Variants in SLC30A9 observed in about 807,000 individuals in gnomAD.
The protein encoded by SLC30A9 is solute carrier family 30 member 9, also known as proton-coupled zinc antiporter SLC30A9, mitochondrial.
Under a neutral mutation model 87.5 loss-of-function variants are expected in SLC30A9, and 58 were observed. That is an observed-to-expected ratio of 0.66 (90% CI 0.54 to 0.82). The LOEUF (loss-of-function observed/expected upper bound fraction) is 0.82, where lower values mean the gene tolerates loss of function less well. SLC30A9 is among the 40% of genes least tolerant of loss of function. The pLI is 0.00. For missense variants in SLC30A9, 557 were observed against 679.1 expected (o/e 0.82, Z 2.00); for synonymous variants, 234 against 233.0 (o/e 1.00, Z -0.04).
At chr4:42,005,198 G>A (rs753952202) in intron 2 of SLC30A9, among the ~76,000 whole-genome samples, 2 of 152,042 alleles carry the variant, frequency 1.3e-5, no homozygotes, top group African/African-American at 2.4e-5. Flanking sequence ...CATTTTCCAT[G>A]ATGTTTTTGT....
chr4:42,045,513 G>A (rs962222607), intron 8 of SLC30A9, among the ~76,000 whole-genome samples: 2 of 151,184 alleles, frequency 1.3e-5, no homozygotes, highest in African/African-American at 4.9e-5. Flanking sequence ...ACTAAACCAG[G>A]AAGAAGTTGA....
At chr4:42,062,302 T>A (rs532748317) in intron 10 of SLC30A9, among the ~76,000 whole-genome samples, 1 of 152,346 alleles carries the variant, frequency 6.6e-6, no homozygotes, top group Admixed American at 6.5e-5. Flanking sequence ...AATGAGTGAT[T>A]CTTTTCCTCC....
At chr4:42,038,407 A>G (rs899158862) in intron 7 of SLC30A9, among the ~76,000 whole-genome samples, 7 of 152,124 alleles carry the variant, frequency 4.6e-5, no homozygotes, top group Non-Finnish European at 8.8e-5. Flanking sequence ...GCAGCATTCT[A>G]TTGTTCCCAT....
chr4:42,033,850 C>T (rs1173829850), intron 6 of SLC30A9, among the ~76,000 whole-genome samples: 1 of 152,206 alleles, frequency 6.6e-6, no homozygotes, highest in African/African-American at 2.4e-5. Flanking sequence ...GCTGGGATTA[C>T]AGGCATGAGC....
chr4:42,057,998 A>G (rs1433365798), intron 9 of SLC30A9, among the ~76,000 whole-genome samples: 1 of 149,852 alleles, frequency 6.7e-6, no homozygotes, highest in East Asian at 2.0e-4. Context: ...GCTACTCGGG[A>G]GGCTGAGGCA....
intron 8 of SLC30A9, among the ~76,000 whole-genome samples, chr4:42,042,781 G>A (rs1235456163): frequency 5.3e-5 from 8 of 152,194 alleles, no homozygotes; most frequent in South Asian, 2.1e-4. Context: ...TCCTGATGGG[G>A]AGATACCTCC....
chr4:42,050,861 T>A (rs1229208065), intron 9 of SLC30A9, among the ~76,000 whole-genome samples: 1 of 152,138 alleles, frequency 6.6e-6, no homozygotes, highest in Non-Finnish European at 1.5e-5. Context: ...GAAATAACAG[T>A]CTCATTGAGT....
chr4:42,054,283 G>A (rs879434776), intron 9 of SLC30A9, among the ~76,000 whole-genome samples: 5 of 152,134 alleles, frequency 3.3e-5, no homozygotes, highest in South Asian at 2.1e-4. Flanking sequence ...ACTTGAACCC[G>A]GGAGGCAGAG....
At chr4:42,044,287 C>A (rs1468660358) in intron 8 of SLC30A9, among the ~76,000 whole-genome samples, 4 of 150,810 alleles carry the variant, frequency 2.7e-5, no homozygotes, top group African/African-American at 9.8e-5. Context: ...GAGTCAAGAC[C>A]CATTGGTGTG....
chr4:42,073,413 C>A (rs1017509369), intron 15 of SLC30A9, among the ~76,000 whole-genome samples: 4 of 152,110 alleles, frequency 2.6e-5, no homozygotes, highest in African/African-American at 9.7e-5. Context: ...GGAAAAAATA[C>A]GTTAGTAATC....
intron 1 of SLC30A9, among the ~76,000 whole-genome samples, chr4:41,995,628 A>G (rs971035188): frequency 5.9e-5 from 9 of 152,228 alleles, no homozygotes; most frequent in Non-Finnish European, 1.2e-4. Flanking sequence ...GAAAGATGAA[A>G]ATGAGCAAGC....
chr4:42,041,519 A>T (rs1432695082), intron 8 of SLC30A9, among the ~76,000 whole-genome samples: 1 of 152,118 alleles, frequency 6.6e-6, no homozygotes, highest in Non-Finnish European at 1.5e-5. Context: ...GGATTACTTG[A>T]GCTCAGGAAT....
intron 6 of SLC30A9, among the ~76,000 whole-genome samples, chr4:42,030,473 C>A (rs1356554520): frequency 3.3e-5 from 5 of 151,880 alleles, no homozygotes; most frequent in Admixed American, 3.3e-4. Context: ...TAGGTGCATA[C>A]TCTGGTCCTT....
At chr4:42,007,905 T>C (rs147956555) in intron 2 of SLC30A9, among the ~76,000 whole-genome samples, 2 of 152,332 alleles carry the variant, frequency 1.3e-5, no homozygotes, top group Non-Finnish European at 2.9e-5. Context: ...ACGTAACAAG[T>C]GTGGTCTTTT....
In SLC30A9 at chr4:42,075,608, A is replaced by G. The variant is rs771333795; in HGVS notation, c.1419-49A>G. 5.4e-6 allele frequency: 8 copies of G among 1,487,936 alleles called. No individual in the cohort carries two copies. The East Asian group carries it at 1.1e-4, about 21-fold the overall frequency. The allele number at this position is 1,487,936 out of a possible 1,614,324, so 92.2% of individuals were successfully genotyped here. On this transcript the variant is annotated intron_variant, in intron 15 of 17. Coordinates refer to ENST00000264451, the MANE Select transcript of SLC30A9 (RefSeq NM_006345.4). ...GCCTTTGTGCTATTAAAGTATATAT[A>G]TGTGTATGTATGTATAAATAAATTT...
At chr4:41,996,622 G>A (rs1381662339) in intron 1 of SLC30A9, among the ~76,000 whole-genome samples, 1 of 151,974 alleles carries the variant, frequency 6.6e-6, no homozygotes, top group Admixed American at 6.6e-5. Flanking sequence ...ACACGCCTGC[G>A]GTCCCAGCTA....
rs1459050430 is a variant in SLC30A9, at chr4:42,090,373, G to A, written c.*4247G>A. The A allele has an allele frequency of 6.6e-6, 1 of 152,112 alleles. No homozygotes were observed. Among genetic ancestry groups the A allele is most frequent in the Non-Finnish European group, 1.5e-5 (1 of 68,002 alleles). 9.4% of individuals were successfully genotyped at this position (152,112 alleles called of 1,614,324 possible). On this transcript the variant is annotated 3_prime_UTR_variant, in exon 18 of 18. Transcript: ENST00000264451. ...TTATTCGTTATATTGTATTTCATCT[G>A]TCTGATTTCCCTGGCACATTAAGAT...
intron 6 of SLC30A9, among the ~76,000 whole-genome samples, chr4:42,030,599 T>TGGTGGG (rs1716389995): frequency 6.7e-6 from 1 of 148,440 alleles, no homozygotes; most frequent in Non-Finnish European, 1.5e-5. Flanking sequence ...TTTTTTTTTT[T>TGGTGGG]GGGCTCTTTC....
intron 1 of SLC30A9, among the ~76,000 whole-genome samples, chr4:41,998,058 T>A (rs1577675815): frequency 6.6e-6 from 1 of 152,350 alleles, no homozygotes; most frequent in East Asian, 1.9e-4. Flanking sequence ...AGAGTGTCTT[T>A]TTGTTGTTAT....
Sources: gnomAD v4.1 joint callset for allele counts (sites outside exome capture counted in the v4.1 genomes callset) on GRCh38, gnomAD v4.1.1 for gene constraint, MANE v1.5 for transcripts, NCBI Gene and HGNC (gene_info 2026-07-23, HGNC 2026-07-21) for gene names.